Variants in GRIK4 observed in about 807,000 individuals in gnomAD.
GRIK4 encodes the protein glutamate ionotropic receptor kainate type subunit 4, also known as glutamate receptor ionotropic, kainate 4.
Under a neutral mutation model 104.9 loss-of-function variants are expected in GRIK4, and 40 were observed. That is an observed-to-expected ratio of 0.38 (90% CI 0.30 to 0.50). The LOEUF is 0.50. Ranked by LOEUF, GRIK4 falls within the 20% of genes least tolerant of loss-of-function variation. GRIK4 has a pLI of 0.93. For synonymous variants in GRIK4, 485 were observed against 524.9 expected (o/e 0.92, Z 1.04); for missense variants, 1,047 against 1,308.1 (o/e 0.80, Z 3.08).
chr11:120,859,763 T>TG, intron 8 of GRIK4, among the ~76,000 whole-genome samples: 1 of 152,352 alleles, frequency 6.6e-6, no homozygotes, highest in Admixed American at 6.5e-5. Context: ...TAGGAGATAA[T>TG]ATCAGTGTAG....
intron 13 of GRIK4, among the ~76,000 whole-genome samples, chr11:120,916,845 C>T (rs934604292): frequency 1.3e-5 from 2 of 152,138 alleles, no homozygotes; most frequent in Admixed American, 6.5e-5. Context: ...CTGAAAAAGT[C>T]GGAAATTCGA....
intron 1 of GRIK4, among the ~76,000 whole-genome samples, chr11:120,563,002 T>C (rs891300608): frequency 5.9e-5 from 9 of 152,170 alleles, no homozygotes; most frequent in Middle Eastern, 3.2e-3. Context: ...TGGATGTATG[T>C]GACTGCCGAG....
intron 1 of GRIK4, among the ~76,000 whole-genome samples, chr11:120,543,086 G>A (rs1317687222): frequency 6.6e-6 from 1 of 152,202 alleles, no homozygotes; most frequent in East Asian, 1.9e-4. Context: ...CTGTTGGTGG[G>A]AATGTAAATT....
At chr11:120,621,940 G>A (rs140997382) in intron 1 of GRIK4, among the ~76,000 whole-genome samples, 238 of 151,850 alleles carry the variant, frequency 1.6e-3, no homozygotes, top group African/African-American at 5.5e-3. Flanking sequence ...TCACTCTGTC[G>A]CCCAAGCTGG....
At chr11:120,617,784 C>A (rs1251499628) in intron 1 of GRIK4, among the ~76,000 whole-genome samples, 1 of 152,164 alleles carries the variant, frequency 6.6e-6, no homozygotes, top group Non-Finnish European at 1.5e-5. Flanking sequence ...TTTTCTGAGG[C>A]CTCCCCAGAA....
At chr11:120,976,513 A>G (rs1032057356) in intron 19 of GRIK4, among the ~76,000 whole-genome samples, 7 of 152,226 alleles carry the variant, frequency 4.6e-5, no homozygotes, top group South Asian at 2.1e-4. Context: ...AGATCGGACT[A>G]TTTGATACAC....
intron 1 of GRIK4, among the ~76,000 whole-genome samples, chr11:120,584,773 A>G (rs145630760): frequency 3.3e-5 from 5 of 152,334 alleles, no homozygotes; most frequent in African/African-American, 7.2e-5. Flanking sequence ...TTAACACGAA[A>G]TGATGTTGAA....
intron 1 of GRIK4, among the ~76,000 whole-genome samples, chr11:120,590,511 C>T (rs552649640): frequency 1.3e-4 from 20 of 152,350 alleles, no homozygotes; most frequent in African/African-American, 3.4e-4. Flanking sequence ...CGGCTGCTGG[C>T]GTAGCATTGT....
chr11:120,776,459 A>G (rs1427137197), intron 3 of GRIK4, among the ~76,000 whole-genome samples: 1 of 152,192 alleles, frequency 6.6e-6, no homozygotes, highest in Non-Finnish European at 1.5e-5. Context: ...TGTAGAAGGG[A>G]CACCCTCCAT....
rs57717444 is a variant in GRIK4 at position 120,553,742 on chromosome 11, G to C, written c.-159+41855G>C. Among the ~76,000 whole-genome samples, 2,526 of 152,294 alleles carry C rather than the reference G, an allele frequency of 0.017. 146 individuals are homozygous for C. In the East Asian group the frequency reaches 0.19, roughly 12 times the overall value. On this transcript the variant is annotated intron_variant, in intron 1 of 20. Coordinates refer to ENST00000527524, the MANE Select transcript of GRIK4 (RefSeq NM_014619.5). ...AAAAGGGGTTAGGGAGCAGGCTGGG[G>C]GTGCAGACTGCAGCACTGCTGGATG...
At chr11:120,521,560 G>A (rs564971382) in intron 1 of GRIK4, among the ~76,000 whole-genome samples, 1 of 152,304 alleles carries the variant, frequency 6.6e-6, no homozygotes, top group African/African-American at 2.4e-5. Context: ...TGATTGGAAA[G>A]TTGGATCAGT....
chr11:120,752,585 A>G (rs994036845), intron 3 of GRIK4, among the ~76,000 whole-genome samples: 2 of 152,212 alleles, frequency 1.3e-5, no homozygotes, highest in African/African-American at 4.8e-5. Flanking sequence ...CCCCTTAAAC[A>G]TCATCTAGTT....
chr11:120,840,787 C>T (rs779623286), intron 8 of GRIK4, among the ~76,000 whole-genome samples: 2 of 152,088 alleles, frequency 1.3e-5, no homozygotes, highest in East Asian at 1.9e-4. Flanking sequence ...AGTTTAGTGG[C>T]GTTAATTATA....
rs745926154 is a variant in GRIK4 at position 120,898,565 on chromosome 11, A to G, written c.1198A>G (p.Met400Val). 6 of 1,612,080 alleles carry G rather than the reference A, an allele frequency of 3.7e-6. No homozygotes were observed. The East Asian group carries it at 1.3e-4, about 36-fold the overall frequency. Residue 400 changes from methionine (M) to valine (V), a missense_variant, in exon 12 of 21, where the codon ATG (methionine) becomes GTG (valine). Met to Val is a conservative substitution (Grantham distance 21). Around this residue, in one of 3 missense-constraint regions of GRIK4, gnomAD observed 440 missense variants for 652.3 expected, o/e 0.67. Transcript: ENST00000527524. ...GTGGCACGTGGCAGAGGGCCTCAGC[A>G]TGGACAGCCACCTCTATGCCTCCAA... Reference protein sequence around the residue: ...GQWHVAEGLSMDSHLYASNIS... With the variant: ...GQWHVAEGLSVDSHLYASNIS...
At chr11:120,589,591 A>G (rs1948710939) in intron 1 of GRIK4, among the ~76,000 whole-genome samples, 1 of 152,000 alleles carries the variant, frequency 6.6e-6, no homozygotes, top group African/African-American at 2.4e-5. Flanking sequence ...AATCTGAACA[A>G]AATCCTTCAG....
intron 13 of GRIK4, among the ~76,000 whole-genome samples, chr11:120,909,038 G>A (rs1592068542): frequency 6.6e-6 from 1 of 152,242 alleles, no homozygotes; most frequent in East Asian, 1.9e-4. Context: ...TCGAGGACAG[G>A]GTGCAAGGAG....
intron 3 of GRIK4, among the ~76,000 whole-genome samples, chr11:120,721,514 G>C (rs1394392477): frequency 6.6e-6 from 1 of 152,196 alleles, no homozygotes; most frequent in Non-Finnish European, 1.5e-5. Flanking sequence ...GAGGTCCTGG[G>C]ATCACTCAGG....
intron 3 of GRIK4, among the ~76,000 whole-genome samples, chr11:120,732,005 C>T (rs533039880): frequency 8.2e-4 from 124 of 151,844 alleles, no homozygotes; most frequent in African/African-American, 2.8e-3. Context: ...AACCAACTCT[C>T]TGTTTCATTG....
At chr11:120,747,748 A>G (rs2135418504) in intron 3 of GRIK4, among the ~76,000 whole-genome samples, 1 of 152,348 alleles carries the variant, frequency 6.6e-6, no homozygotes, top group Non-Finnish European at 1.5e-5. Flanking sequence ...AATATTGTGA[A>G]CATTATTGTC....
Sources: gnomAD v4.1 joint callset for allele counts (sites outside exome capture counted in the v4.1 genomes callset) on GRCh38, gnomAD v4.1.1 for gene constraint, gnomAD v4.1.1 regional missense constraint, MANE v1.5 for transcripts, NCBI Gene and HGNC (gene_info 2026-07-23, HGNC 2026-07-21) for gene names.